Variants in GALNT7 observed in about 807,000 individuals in gnomAD.
GALNT7 encodes N-acetylgalactosaminyltransferase 7.
Under a neutral mutation model 82.1 loss-of-function variants are expected in GALNT7, and 60 were observed. The observed-to-expected ratio is 0.73, with a 90% CI of 0.59 to 0.91. The LOEUF is 0.91. GALNT7 is among the 40% of genes least tolerant of loss of function. The pLI is 0.00. For synonymous variants in GALNT7, 243 were observed against 275.1 expected (o/e 0.88, Z 1.15); for missense variants, 660 against 804.2 (o/e 0.82, Z 2.17).
chr4:173,236,833 C>T (rs1271092385), intron 1 of GALNT7, among the ~76,000 whole-genome samples: 8 of 152,096 alleles, frequency 5.3e-5, no homozygotes, highest in Admixed American at 5.2e-4. Flanking sequence ...ATATAGAGTA[C>T]CTGGCATATA....
chr4:173,294,214 C>T (rs1428632193), intron 3 of GALNT7, among the ~76,000 whole-genome samples: 1 of 149,352 alleles, frequency 6.7e-6, no homozygotes, highest in Non-Finnish European at 1.5e-5. Flanking sequence ...TAATGGAATT[C>T]AAAAAGGCTT....
At chr4:173,288,282 C>CAAAAAAAAAAAAAAAAAAA (rs70944442) in intron 2 of GALNT7, among the ~76,000 whole-genome samples, 12 of 62,970 alleles carry the variant, frequency 1.9e-4, no homozygotes, top group African/African-American at 5.2e-4. Flanking sequence ...GACTCCATCT[C>CAAAAAAAAAAAAAAAAAAA]AAAAAAAAAA....
intron 1 of GALNT7, among the ~76,000 whole-genome samples, chr4:173,235,017 C>T (rs1561166477): frequency 6.6e-6 from 1 of 152,080 alleles, no homozygotes; most frequent in African/African-American, 2.4e-5. Context: ...TTATAAATTA[C>T]GCAGCTTCTG....
At chr4:173,225,530 C>T (rs975981891) in intron 1 of GALNT7, among the ~76,000 whole-genome samples, 27 of 152,172 alleles carry the variant, frequency 1.8e-4, no homozygotes, top group African/African-American at 6.5e-4. Context: ...TAATAATGGC[C>T]TAGCATTTAT....
At chr4:173,237,839 A>G (rs1284526231) in intron 1 of GALNT7, among the ~76,000 whole-genome samples, 1 of 152,136 alleles carries the variant, frequency 6.6e-6, no homozygotes, top group Non-Finnish European at 1.5e-5. Flanking sequence ...TTTAAAGAGC[A>G]TCGAGAAAAG....
intron 1 of GALNT7, among the ~76,000 whole-genome samples, chr4:173,224,816 T>C (rs1241152804): frequency 2.0e-5 from 3 of 151,566 alleles, no homozygotes; most frequent in South Asian, 4.2e-4. Flanking sequence ...ATCCAGACCA[T>C]CCTGGCTAAC....
In GALNT7 at chr4:173,295,806, TG is replaced by T; in HGVS notation, c.930del (p.Trp310CysfsTer6). The stretch of plus-strand genomic sequence containing the variant: ...TGCCCACTGTGAGGTGGCAGTTAAC[TG>T]GTATGCACCACTTGTAGCTCCCATA... Reference protein sequence around the residue: ...LDAHCEVAVNWYAPLVAPISK... With the variant: ...LDAHCEVAVNXYAPLVAPISK... On this transcript the variant is annotated frameshift_variant, in exon 5 of 12. Coordinates refer to ENST00000265000, the MANE Select transcript of GALNT7 (RefSeq NM_017423.3). LOFTEE classifies it high-confidence loss of function. 6.2e-7 allele frequency: 1 copy of T among 1,610,030 alleles called. No individual in the cohort carries two copies. The highest frequency in any genetic ancestry group is 8.5e-7 in the Non-Finnish European group (1 of 1,176,236).
rs73003354 is a variant in GALNT7, at chr4:173,302,232, C to T, written c.1266+68C>T. Reference sequence around the variant, plus strand: ...TAACTTCTGTGGCTTTCAGATAAAGCTAGTTTTTTGTGGGGGAAAAAAGCC... The same window carrying T: ...TAACTTCTGTGGCTTTCAGATAAAGTTAGTTTTTTGTGGGGGAAAAAAGCC... On this transcript the variant is annotated intron_variant, in intron 7 of 11. Transcript: ENST00000265000. The surrounding 1 kb of genome is among the most constrained non-coding windows in gnomAD (Gnocchi z 4.2). 2,402 of 794,890 alleles carry T rather than the reference C, an allele frequency of 3.0e-3. 41 individuals carry two copies. The African/African-American group carries it at 0.036, about 12-fold the overall frequency. 49.2% of individuals were successfully genotyped at this position (794,890 alleles called of 1,614,324 possible).
chr4:173,263,210 A>G (rs1219243813), intron 2 of GALNT7, among the ~76,000 whole-genome samples: 1 of 152,224 alleles, frequency 6.6e-6, no homozygotes, highest in Non-Finnish European at 1.5e-5. Context: ...AGCCGCTGCT[A>G]TAGATTTTAG....
intron 11 of GALNT7, among the ~76,000 whole-genome samples, chr4:173,319,223 T>C (rs2126877221): frequency 6.6e-6 from 1 of 152,238 alleles, no homozygotes; most frequent in South Asian, 2.1e-4. Context: ...TAGATTTGGC[T>C]AACATAAATC....
intron 1 of GALNT7, among the ~76,000 whole-genome samples, chr4:173,195,297 G>A (rs780145587): frequency 9.9e-5 from 15 of 152,100 alleles, no homozygotes; most frequent in Non-Finnish European, 2.1e-4. Flanking sequence ...ATAAACGCAG[G>A]AAGAACAGTC....
chr4:173,206,048 G>A (rs1733086641), intron 1 of GALNT7, among the ~76,000 whole-genome samples: 2 of 152,122 alleles, frequency 1.3e-5, no homozygotes, highest in South Asian at 4.1e-4. Flanking sequence ...AACCTCAGGG[G>A]CTGGCCTGGC....
chr4:173,264,977 T>C (rs999493449), intron 2 of GALNT7, among the ~76,000 whole-genome samples: 10 of 152,236 alleles, frequency 6.6e-5, no homozygotes, highest in Non-Finnish European at 2.9e-5. Context: ...CTACCTAGTA[T>C]TGGTGCAGAA....
At chr4:173,298,503 CTGAGACGTACACA>C in intron 6 of GALNT7, 1 of 464,090 alleles carries the variant, frequency 2.2e-6, no homozygotes, top group Non-Finnish European at 3.8e-6. Flanking sequence ...ATGTCCACTA[CTGAGACGTACACA>C]CTTTCATTGG....
chr4:173,200,770 C>T (rs949664426), intron 1 of GALNT7, among the ~76,000 whole-genome samples: 1 of 152,196 alleles, frequency 6.6e-6, no homozygotes, highest in Non-Finnish European at 1.5e-5. Flanking sequence ...AAGATCCTAT[C>T]ATCCTGAAAT....
At chr4:173,262,231 T>C (rs1735299658) in intron 2 of GALNT7, among the ~76,000 whole-genome samples, 2 of 152,216 alleles carry the variant, frequency 1.3e-5, no homozygotes, top group Admixed American at 6.5e-5. Context: ...GATACTGTAC[T>C]AAAAACTAGT....
rs1214316487 is a variant in GALNT7, at chr4:173,314,030, C to T, written c.1462C>T (p.Gln488Ter). The T allele has an allele frequency of 6.2e-7, 1 of 1,610,242 alleles. No homozygotes were observed. The highest frequency in any genetic ancestry group is 1.7e-5 in the Admixed American group (1 of 59,990). Residue 488 changes from glutamine (Q) to a stop codon, truncating the protein, a stop_gained, in exon 9 of 12, where the codon CAG becomes TAG. Coordinates refer to ENST00000265000, the MANE Select transcript of GALNT7 (RefSeq NM_017423.3). LOFTEE classifies it high-confidence loss of function. ...DYFYASRPES[Q>*]ALPYGDISEL... Reference sequence around the variant, plus strand: ...CTTCTATGCTAGTCGTCCTGAATCGCAGGCATTACCATATGGGGATATATC... The same window carrying T: ...CTTCTATGCTAGTCGTCCTGAATCGTAGGCATTACCATATGGGGATATATC...
rs2126870732 is a variant in GALNT7 at position 173,315,220 on chromosome 4, A to T, written c.1608+1044A>T. ...TAGTTCATCTGGGAGTGGATTCCTT[A>T]TGGGTTGGTGTGTGAAGGGATAAGG... On this transcript the variant is annotated intron_variant, in intron 9 of 11. Coordinates refer to ENST00000265000, the MANE Select transcript of GALNT7 (RefSeq NM_017423.3). 3.3e-5 allele frequency among the ~76,000 whole-genome samples: 5 copies of T among 152,228 alleles called. No individual in the cohort carries two copies. The Middle Eastern group carries it at 0.017, about 518-fold the overall frequency.
At chr4:173,176,281 G>A (rs1387589077) in intron 1 of GALNT7, among the ~76,000 whole-genome samples, 1 of 152,150 alleles carries the variant, frequency 6.6e-6, no homozygotes, top group Non-Finnish European at 1.5e-5. Context: ...AAGCCAGTAT[G>A]GCCGGAGTTT....
Sources: gnomAD v4.1 joint callset for allele counts (sites outside exome capture counted in the v4.1 genomes callset) on GRCh38, gnomAD v4.1.1 for gene constraint, Gnocchi (gnomAD v3.1) non-coding constraint, MANE v1.5 for transcripts, NCBI Gene and HGNC (gene_info 2026-07-23, HGNC 2026-07-21) for gene names.